Variants in HECW1 observed in about 807,000 individuals in gnomAD.
HECW1 encodes E3 ubiquitin-protein ligase HECW1.
A neutral mutation model predicts 182.3 loss-of-function variants in HECW1; 61 were observed. The ratio of observed to expected loss-of-function variants is 0.33; its 90% CI spans 0.27 to 0.41. HECW1 has a LOEUF of 0.41. Among genes scored for constraint, HECW1 ranks in the 10% least tolerant of loss-of-function variants. The pLI is 1.00. For missense variants in HECW1, 1,739 were observed against 2,108.9 expected (o/e 0.82, Z 3.44); for synonymous variants, 859 against 832.6 (o/e 1.03, Z -0.55).
intron 2 of HECW1, among the ~76,000 whole-genome samples, chr7:43,144,744 C>G (rs1562594336): frequency 6.6e-6 from 1 of 152,046 alleles, no homozygotes; most frequent in Non-Finnish European, 1.5e-5. Flanking sequence ...CCAGACTCAT[C>G]TTGTATATTT....
At chr7:43,362,398 G>C (rs1454772138) in intron 6 of HECW1, among the ~76,000 whole-genome samples, 1 of 152,200 alleles carries the variant, frequency 6.6e-6, no homozygotes, top group Non-Finnish European at 1.5e-5. Context: ...GGGAAGCGCA[G>C]TGGGAAGAGA....
chr7:43,538,701 A>G (rs2081264296), intron 24 of HECW1, among the ~76,000 whole-genome samples: 1 of 152,216 alleles, frequency 6.6e-6, no homozygotes, highest in African/African-American at 2.4e-5. Context: ...TGCAAAATGG[A>G]GATGACCAAA....
At chr7:43,295,750 C>T (rs1169519443) in intron 3 of HECW1, among the ~76,000 whole-genome samples, 1 of 152,210 alleles carries the variant, frequency 6.6e-6, no homozygotes, top group East Asian at 1.9e-4. Flanking sequence ...CTCTCAGTCT[C>T]ATAGCTCTAA....
chr7:43,351,077 G>T (rs1199698906), intron 5 of HECW1, among the ~76,000 whole-genome samples: 2 of 152,182 alleles, frequency 1.3e-5, no homozygotes, highest in Non-Finnish European at 2.9e-5. Context: ...AATTAGTACT[G>T]TCCCCTTTTC....
intron 8 of HECW1, among the ~76,000 whole-genome samples, chr7:43,418,961 C>T (rs1270771285): frequency 6.6e-6 from 1 of 152,222 alleles, no homozygotes; most frequent in African/African-American, 2.4e-5. Flanking sequence ...GCAGCTCCTA[C>T]TGTCATCCAT....
intron 2 of HECW1, among the ~76,000 whole-genome samples, chr7:43,235,827 C>A (rs1798282192): frequency 6.6e-6 from 1 of 152,078 alleles, no homozygotes; most frequent in Non-Finnish European, 1.5e-5. Context: ...CCCCTGGGCC[C>A]ACAGTAACCA....
chr7:43,514,954 A>C (rs2080073756), intron 24 of HECW1, among the ~76,000 whole-genome samples: 1 of 152,212 alleles, frequency 6.6e-6, no homozygotes, highest in Admixed American at 6.5e-5. Flanking sequence ...CTCTATCATC[A>C]GGATCTAGCC....
chr7:43,226,340 GT>G (rs1310898510), intron 2 of HECW1, among the ~76,000 whole-genome samples: 1 of 152,050 alleles, frequency 6.6e-6, no homozygotes, highest in Non-Finnish European at 1.5e-5. Context: ...TTATTGGTTG[GT>G]TTGTCTTAAA....
At chr7:43,490,926 T>C (rs1000355410) in intron 17 of HECW1, among the ~76,000 whole-genome samples, 4 of 152,134 alleles carry the variant, frequency 2.6e-5, no homozygotes, top group African/African-American at 9.7e-5. Context: ...CCTGGCTTAT[T>C]TTTAGATTTT....
chr7:43,307,415 C>A (rs1005604487), intron 3 of HECW1, among the ~76,000 whole-genome samples: 8 of 152,132 alleles, frequency 5.3e-5, no homozygotes, highest in Non-Finnish European at 8.8e-5. Context: ...ATTTCCCATA[C>A]ATACAGAGAT....
At chr7:43,113,410 G>C (rs1784789181) in intron 1 of HECW1, among the ~76,000 whole-genome samples, 1 of 152,344 alleles carries the variant, frequency 6.6e-6, no homozygotes, top group African/African-American at 2.4e-5. Context: ...AATGCCCGTG[G>C]TTAGCCCAGA....
At chr7:43,510,387 A>C (rs2079805149) in intron 24 of HECW1, 1 of 152,240 alleles carries the variant, frequency 6.6e-6, no homozygotes, top group Non-Finnish European at 1.5e-5. Flanking sequence ...AAATATTTTC[A>C]TCAAATATCT....
At chr7:43,307,917 T>C (rs10256518) in intron 3 of HECW1, among the ~76,000 whole-genome samples, 15,294 of 123,700 alleles carry the variant, frequency 0.12, 2,931 homozygotes, top group African/African-American at 0.43. Context: ...TATATATATA[T>C]ACACACACAC....
At chr7:43,407,776 GGGCTGACTGTGAACCA>G in intron 8 of HECW1, 45 bp downstream of exon 8, 1 of 1,552,136 alleles carries the variant, frequency 6.4e-7, no homozygotes, top group Non-Finnish European at 8.8e-7. Context: ...AAAAGTGAAA[GGGCTGACTGTGAACCA>G]GCCCTCCTCC....
At chr7:43,169,451 G>A (rs76171229) in intron 2 of HECW1, among the ~76,000 whole-genome samples, 2,475 of 152,172 alleles carry the variant, frequency 0.016, 63 homozygotes, top group African/African-American at 0.054. Context: ...AGACATTGAC[G>A]GATACCCCTG....
chr7:43,252,601 A>G (rs1800153023), intron 3 of HECW1, among the ~76,000 whole-genome samples: 1 of 152,220 alleles, frequency 6.6e-6, no homozygotes, highest in Non-Finnish European at 1.5e-5. Context: ...GCCTCTCATT[A>G]AAAACTCCCT....
At chr7:43,379,977 G>A (rs895718725) in intron 6 of HECW1, among the ~76,000 whole-genome samples, 3 of 152,170 alleles carry the variant, frequency 2.0e-5, no homozygotes, top group South Asian at 2.1e-4. Flanking sequence ...CACAGCAGAC[G>A]GCCCATAAAA....
intron 2 of HECW1, among the ~76,000 whole-genome samples, chr7:43,146,506 C>A (rs928161154): frequency 6.6e-5 from 10 of 152,114 alleles, no homozygotes; most frequent in Non-Finnish European, 1.3e-4. Flanking sequence ...AATGAATAAG[C>A]CTTAACTGGT....
At chr7:43,386,153 C>T (rs1171966138) in intron 6 of HECW1, among the ~76,000 whole-genome samples, 1 of 152,218 alleles carries the variant, frequency 6.6e-6, no homozygotes, top group Non-Finnish European at 1.5e-5. Context: ...CCCTTCTCAC[C>T]TTGAATCTTT....
Sources: gnomAD v4.1 joint callset for allele counts (sites outside exome capture counted in the v4.1 genomes callset) on GRCh38, gnomAD v4.1.1 for gene constraint, MANE v1.5 for transcripts, NCBI Gene and HGNC (gene_info 2026-07-23, HGNC 2026-07-21) for gene names.